The following UBE2D3 variants were observed in gnomAD, a reference collection of about 807,000 sequenced individuals.
UBE2D3 encodes ubiquitin conjugating enzyme E2 D3, also known as ubiquitin-conjugating enzyme E2 D3.
A neutral mutation model predicts 22.8 loss-of-function variants in UBE2D3; 2 were observed. That is an observed-to-expected ratio of 0.09 (90% CI 0.04 to 0.28). The LOEUF is 0.28. Ranked by LOEUF, UBE2D3 falls within the 10% of genes least tolerant of loss-of-function variation. The pLI is 1.00. For synonymous variants in UBE2D3, 56 were observed against 60.4 expected (o/e 0.93, Z 0.34); for missense variants, 27 against 182.5 (o/e 0.15, Z 4.91).
At chr4:102,809,936 T>C in intron 2 of UBE2D3, 81 bp from the exon 3 acceptor site, 1 of 1,397,516 alleles carries the variant, frequency 7.2e-7, no homozygotes, top group South Asian at 1.2e-5. Flanking sequence ...TTTCAGTTAC[T>C]TTCACCCTAT....
At chr4:102,819,163 T>C (rs1729192301) in intron 2 of UBE2D3, among the ~76,000 whole-genome samples, 1 of 152,014 alleles carries the variant, frequency 6.6e-6, no homozygotes, top group South Asian at 2.1e-4. Flanking sequence ...AAATCCCATC[T>C]CTACTAAAAT....
rs1458709365 is a variant in UBE2D3, at chr4:102,796,983, C to T, written c.*432G>A. ...AATCTCTAACAGTGGAAGGCTTAAA[C>T]AAGAATGGATGCTGCTAGAATAATG... is the stretch of plus-strand genomic sequence containing the variant. On this transcript the variant is annotated 3_prime_UTR_variant, in exon 8 of 8. Coordinates refer to ENST00000453744, the MANE Select transcript of UBE2D3 (RefSeq NM_181891.3). 2 of 155,738 alleles carry T rather than the reference C, an allele frequency of 1.3e-5. No individual in the cohort carries two copies. Among genetic ancestry groups the T allele is most frequent in the Non-Finnish European group, 2.9e-5 (2 of 70,022 alleles). The allele number at this position is 155,738 out of a possible 1,614,324, so 9.6% of individuals were successfully genotyped here.
At chr4:102,806,397 A>T (rs1489584641) in intron 4 of UBE2D3, among the ~76,000 whole-genome samples, 1 of 152,056 alleles carries the variant, frequency 6.6e-6, no homozygotes, top group African/African-American at 2.4e-5. Flanking sequence ...ATTTACTTAT[A>T]TTTCTCTTTT....
intron 1 of UBE2D3, among the ~76,000 whole-genome samples, chr4:102,859,145 A>T (rs1466200203): frequency 6.6e-6 from 1 of 151,892 alleles, no homozygotes; most frequent in African/African-American, 2.4e-5. Flanking sequence ...AAAAGTCTTC[A>T]TCTTTCCTTT....
intron 1 of UBE2D3, among the ~76,000 whole-genome samples, chr4:102,836,417 GATTAT>G (rs1731407401): frequency 6.6e-6 from 1 of 152,088 alleles, no homozygotes; most frequent in Non-Finnish European, 1.5e-5. Flanking sequence ...AAAGTGCTGG[GATTAT>G]AAGAGTGAGG....
intron 1 of UBE2D3, chr4:102,827,038 C>T: frequency 8.1e-6 from 8 of 993,508 alleles, no homozygotes; most frequent in Non-Finnish European, 9.6e-6. Flanking sequence ...CTTTCGGTTT[C>T]TGTCCAAAGG....
In UBE2D3 at chr4:102,853,691, GTGT is replaced by G. The variant is rs539056967; in HGVS notation, c.-129+15021_-129+15023del. ...AAAAGTATTAATGGGATAGGTGGTG[GTGT>G]TATGAGAAATTGGTGAACAGGAGAT... On this transcript the variant is annotated intron_variant, in intron 1 of 7. Coordinates refer to the UBE2D3 transcript ENST00000338145. Among the ~76,000 whole-genome samples the G allele has an allele frequency of 1.4e-4, 21 of 152,288 alleles. 1 individual carries two copies. The South Asian group carries it at 3.9e-3, about 29-fold the overall frequency.
At chr4:102,831,157 A>T (rs1731096125), upstream of UBE2D3, among the ~76,000 whole-genome samples, 1 of 152,174 alleles carries the variant, frequency 6.6e-6, no homozygotes, top group South Asian at 2.1e-4. Flanking sequence ...TTAAATTGTA[A>T]ATGCTACGGT....
Position 102,801,449 on chromosome 4 carries a change from T to C in UBE2D3, c.304+5A>G. 1 of 1,599,230 alleles carries C rather than the reference T, an allele frequency of 6.3e-7. No individual in the cohort carries two copies. Among genetic ancestry groups the C allele is most frequent in the Non-Finnish European group, 8.6e-7 (1 of 1,169,568 alleles). ...AGAACAGCTTATTTCACTAGAAATA[T>C]TTACCTTTAGAAATTGTTAAAGCAG... is the stretch of plus-strand genomic sequence containing the variant. On this transcript the variant is annotated splice_donor_5th_base_variant and intron_variant, in intron 6 of 7. Coordinates refer to ENST00000453744, the MANE Select transcript of UBE2D3 (RefSeq NM_181891.3).
chr4:102,853,143 T>C lies in UBE2D3; in HGVS notation c.-129+15572A>G, dbSNP rs1417063228. ...TACACACAAACACACACATTTTTTT[T>C]TTTTTTTTTTTTTTTTTGAGACGGA... On this transcript the variant is annotated intron_variant, in intron 1 of 7. Transcript: ENST00000338145. Among the ~76,000 whole-genome samples, 8 of 115,012 alleles carry C rather than the reference T, an allele frequency of 7.0e-5. 1 individual carries two copies. Among genetic ancestry groups the C allele is most frequent in the Admixed American group, 1.7e-4 (2 of 11,494 alleles). 75.5% of individuals were successfully genotyped at this position (115,012 alleles called of 152,430 possible).
upstream of UBE2D3, chr4:102,828,114 C>T (rs1221418153): frequency 5.1e-6 from 5 of 985,426 alleles, no homozygotes; most frequent in East Asian, 1.1e-4. Context: ...TGGGGCGGGC[C>T]ACTGCCAGGA....
At chr4:102,803,504 C>A (rs1207973740) in intron 4 of UBE2D3, among the ~76,000 whole-genome samples, 1 of 152,210 alleles carries the variant, frequency 6.6e-6, no homozygotes, top group Admixed American at 6.5e-5. Context: ...GACACTAACA[C>A]AGCTCATCTA....
At chr4:102,868,716 T>C in exon 1 of UBE2D3, 1 of 1,613,964 alleles carries the variant, frequency 6.2e-7, no homozygotes, top group Non-Finnish European at 8.5e-7. Flanking sequence ...GAGACTCACT[T>C]TTGAAAGGCA....
At chr4:102,826,869 G>T in intron 1 of UBE2D3, 1 of 1,094,636 alleles carries the variant, frequency 9.1e-7, no homozygotes, top group Non-Finnish European at 1.1e-6. Context: ...ACCCGGGTGG[G>T]AGAGGAAGAG....
intron 5 of UBE2D3, 91 bp downstream of exon 5, chr4:102,802,470 G>C (rs1248364228): frequency 9.4e-7 from 1 of 1,068,188 alleles, no homozygotes; most frequent in South Asian, 1.8e-5. Flanking sequence ...TATATATACA[G>C]CCTACACAGA....
intron 4 of UBE2D3, chr4:102,809,465 A>G (rs1386023019): frequency 1.7e-6 from 1 of 589,386 alleles, no homozygotes; most frequent in Non-Finnish European, 3.0e-6. Context: ...GCTATACTCT[A>G]GAACGTGAAC....
At chr4:102,845,679 T>G (rs541895510) in intron 1 of UBE2D3, among the ~76,000 whole-genome samples, 12 of 152,234 alleles carry the variant, frequency 7.9e-5, no homozygotes, top group Non-Finnish European at 1.6e-4. Flanking sequence ...AGGGACCTCA[T>G]GATCATTTAG....
intron 2 of UBE2D3, among the ~76,000 whole-genome samples, chr4:102,814,650 C>G (rs967098701): frequency 6.6e-6 from 1 of 151,884 alleles, no homozygotes; most frequent in Admixed American, 6.6e-5. Context: ...TCTCATGGTT[C>G]TCTTCTCATC....
At chr4:102,820,327 GAGA>G (rs1729397238) in intron 2 of UBE2D3, among the ~76,000 whole-genome samples, 1 of 152,190 alleles carries the variant, frequency 6.6e-6, no homozygotes. Context: ...GTTATTTCAA[GAGA>G]AGGATGCTTG....
Sources: gnomAD v4.1 joint callset for allele counts (sites outside exome capture counted in the v4.1 genomes callset) on GRCh38, gnomAD v4.1.1 for gene constraint, MANE v1.5 for transcripts, NCBI Gene and HGNC (gene_info 2026-07-23, HGNC 2026-07-21) for gene names.